GALNT13: variants seen among roughly 807,000 people sequenced by gnomAD.
GALNT13 encodes UDP-GalNAc:polypeptide N-acetylgalactosaminyltransferase 13.
GALNT13 carries 28 observed loss-of-function variants against 64.2 expected under a neutral mutation model. That is an observed-to-expected ratio of 0.44 (90% CI 0.32 to 0.60). The LOEUF is 0.60. Ranked by LOEUF, GALNT13 falls within the 20% of genes least tolerant of loss-of-function variation. The probability of loss-of-function intolerance (pLI) is 0.05; values close to 1 mark genes in which losing one functional copy is unlikely to be tolerated. For synonymous variants in GALNT13, 214 were observed against 224.6 expected (o/e 0.95, Z 0.42); for missense variants, 577 against 669.8 (o/e 0.86, Z 1.53).
intron 8 of GALNT13, among the ~76,000 whole-genome samples, chr2:154,293,787 T>G (rs1021650003): frequency 3.9e-5 from 6 of 152,192 alleles, no homozygotes; most frequent in African/African-American, 1.4e-4. Context: ...ATAAAGGAAA[T>G]TATCGAGGTA....
the GALNT13 span, chr2:153,478,293 G>C: frequency 1.2e-6 from 2 of 1,614,072 alleles, no homozygotes; most frequent in East Asian, 2.2e-5. Flanking sequence ...GGTCCTTCAC[G>C]AGGAAGTTGA....
At chr2:153,591,054 A>C in the GALNT13 span, among the ~76,000 whole-genome samples, 1 of 152,140 alleles carries the variant, frequency 6.6e-6, no homozygotes, top group Non-Finnish European at 1.5e-5. Context: ...GTACAATCTT[A>C]TGTCTAGAAT....
chr2:153,976,213 G>A (rs909576198), intron 3 of GALNT13, among the ~76,000 whole-genome samples: 2 of 152,060 alleles, frequency 1.3e-5, no homozygotes, highest in Admixed American at 1.3e-4. Flanking sequence ...TTTATCCTCA[G>A]TGCTTAGATT....
intron 4 of GALNT13, among the ~76,000 whole-genome samples, chr2:154,234,130 T>G (rs1254987868): frequency 1.3e-5 from 2 of 152,076 alleles, no homozygotes; most frequent in East Asian, 1.9e-4. Context: ...TGAAATTTTT[T>G]GGGAAATAGT....
At chr2:153,625,100 TAGTC>T in the GALNT13 span, among the ~76,000 whole-genome samples, 1 of 152,126 alleles carries the variant, frequency 6.6e-6, no homozygotes, top group Non-Finnish European at 1.5e-5. Flanking sequence ...TTTTCAATTT[TAGTC>T]AGTAAACAAT....
the GALNT13 span, among the ~76,000 whole-genome samples, chr2:153,635,437 TATACAC>T: frequency 6.8e-6 from 1 of 146,818 alleles, no homozygotes. Context: ...TGTATATATA[TATACAC>T]ACATATATAT....
At chr2:153,753,367 T>C in the GALNT13 span, among the ~76,000 whole-genome samples, 1 of 152,172 alleles carries the variant, frequency 6.6e-6, no homozygotes, top group East Asian at 1.9e-4. Flanking sequence ...CAGCCTGGGC[T>C]TGTTTGTATC....
At chr2:153,663,036 G>T in the GALNT13 span, among the ~76,000 whole-genome samples, 3 of 152,112 alleles carry the variant, frequency 2.0e-5, no homozygotes, top group Non-Finnish European at 4.4e-5. Flanking sequence ...GGAGACTTGT[G>T]AGAGGAAGGA....
the GALNT13 span, among the ~76,000 whole-genome samples, chr2:153,572,530 T>C: frequency 2.0e-5 from 3 of 151,878 alleles, no homozygotes; most frequent in Non-Finnish European, 4.4e-5. Context: ...AGGCGTATCA[T>C]TAGATTGTTT....
intron 4 of GALNT13, among the ~76,000 whole-genome samples, chr2:154,192,065 C>T (rs1026115655): frequency 6.6e-6 from 1 of 152,140 alleles, no homozygotes; most frequent in South Asian, 2.1e-4. Context: ...AGGTGGTTTT[C>T]CCCTGGAGTC....
the GALNT13 span, among the ~76,000 whole-genome samples, chr2:153,652,096 G>T: frequency 6.6e-6 from 1 of 151,936 alleles, no homozygotes; most frequent in Non-Finnish European, 1.5e-5. Flanking sequence ...CCTTAATCTA[G>T]TCCACTCTAA....
At chr2:153,793,872 A>G in the GALNT13 span, among the ~76,000 whole-genome samples, 1 of 152,176 alleles carries the variant, frequency 6.6e-6, no homozygotes, top group Non-Finnish European at 1.5e-5. Flanking sequence ...AAACAAATGA[A>G]TAAATACTCT....
the GALNT13 span, among the ~76,000 whole-genome samples, chr2:153,359,630 C>CAAAAAAAAAAAAAA: frequency 2.1e-3 from 80 of 38,240 alleles, 6 homozygotes; most frequent in Non-Finnish European, 2.3e-3. Context: ...CAGCTTTCAG[C>CAAAAAAAAAAAAAA]AAAAAAAAAA....
At chr2:154,220,054 T>A (rs1688246027) in intron 4 of GALNT13, among the ~76,000 whole-genome samples, 2 of 152,042 alleles carry the variant, frequency 1.3e-5, no homozygotes, top group African/African-American at 4.8e-5. Flanking sequence ...AGAAGACTAA[T>A]AAAAACTCTG....
the GALNT13 span, among the ~76,000 whole-genome samples, chr2:153,322,979 A>C: frequency 5.9e-5 from 9 of 152,168 alleles, no homozygotes; most frequent in Non-Finnish European, 1.0e-4. Context: ...GTGTCTTTAT[A>C]GTAGAATGAT....
chr2:154,307,716 G>A (rs1574062058), intron 9 of GALNT13, among the ~76,000 whole-genome samples: 1 of 152,106 alleles, frequency 6.6e-6, no homozygotes, highest in Admixed American at 6.5e-5. Context: ...AAGCCCTGTA[G>A]GCTGTTAAAG....
chr2:153,601,734 G>A, the GALNT13 span, among the ~76,000 whole-genome samples: 2 of 151,690 alleles, frequency 1.3e-5, no homozygotes, highest in South Asian at 4.1e-4. Context: ...GGCCTTCTAT[G>A]ACTTTTTAGT....
At chr2:153,300,443 G>A in the GALNT13 span, among the ~76,000 whole-genome samples, 1 of 152,192 alleles carries the variant, frequency 6.6e-6, no homozygotes, top group Non-Finnish European at 1.5e-5. Flanking sequence ...TGACAAGACT[G>A]TCTGAAGCAT....
the GALNT13 span, among the ~76,000 whole-genome samples, chr2:153,437,863 G>A: frequency 7.2e-5 from 11 of 152,196 alleles, no homozygotes; most frequent in African/African-American, 2.4e-5. Context: ...ATTTGATCCT[G>A]TCATTATGAT....
Sources: gnomAD v4.1 joint callset for allele counts (sites outside exome capture counted in the v4.1 genomes callset) on GRCh38, gnomAD v4.1.1 for gene constraint, MANE v1.5 for transcripts, NCBI Gene and HGNC (gene_info 2026-07-23, HGNC 2026-07-21) for gene names.